Variants in CTNNA3 observed in about 807,000 individuals in gnomAD.
CTNNA3 encodes catenin alpha 3.
CTNNA3 carries 76 observed loss-of-function variants against 95.7 expected under a neutral mutation model. That is an observed-to-expected ratio of 0.79 (90% confidence interval 0.66 to 0.96). CTNNA3 has a LOEUF of 0.96. CTNNA3 is among the 40% of genes least tolerant of loss of function. The pLI is 0.00. For missense variants in CTNNA3, 1,191 were observed against 1,089.8 expected, an observed-to-expected ratio of 1.09 and a Z score of -1.31; for synonymous variants, 431 against 374.4, an observed-to-expected ratio of 1.15 and a Z score of -1.74.
rs1336352904 is a variant in CTNNA3, at chr10:67,726,402, T to TTA, written c.-2+37030_-2+37031dup. Among the ~76,000 whole-genome samples, 303 of 44,050 alleles carry TTA rather than the reference T, an allele frequency of 6.9e-3. 3 individuals carry two copies. Among genetic ancestry groups the TTA allele is most frequent in the Admixed American group, 9.7e-3 (25 of 2,586 alleles). The allele number at this position is 44,050 out of a possible 152,430, so 28.9% of individuals were successfully genotyped here. ...TATATGAAATTATATATATTATATA[T>TTA]TATATCATATATAATATTATATATT... On this transcript the variant is annotated intron_variant, in intron 1 of 17. Coordinates refer to the CTNNA3 transcript ENST00000684154.
intron 16 of CTNNA3, among the ~76,000 whole-genome samples, chr10:65,980,211 A>C (rs2078290183): frequency 6.6e-6 from 1 of 152,076 alleles, no homozygotes; most frequent in Non-Finnish European, 1.5e-5. Flanking sequence ...ACATACATAA[A>C]CTAGAAAACC....
intron 13 of CTNNA3, among the ~76,000 whole-genome samples, chr10:66,173,895 A>G (rs1267344648): frequency 6.6e-6 from 1 of 152,186 alleles, no homozygotes; most frequent in Admixed American, 6.5e-5. Flanking sequence ...CAAGAAGCAG[A>G]AACTGAGGTA....
intron 7 of CTNNA3, among the ~76,000 whole-genome samples, chr10:66,804,631 G>C (rs1189457430): frequency 1.3e-5 from 2 of 151,774 alleles, no homozygotes; most frequent in African/African-American, 4.8e-5. Flanking sequence ...TTTCTAAAGG[G>C]GTACTGACTA....
At position 67,447,981 on chromosome 10, in the gene CTNNA3, A is replaced by G. The variant is rs116260201; in HGVS notation, c.579+73861T>C. 4.4e-3 allele frequency among the ~76,000 whole-genome samples: 672 copies of G among 152,358 alleles called. 7 individuals carry two copies. Among genetic ancestry groups the G allele is most frequent in the African/African-American group, 0.015 (630 of 41,586 alleles). ...TAGAATGAGCCACTTAACTTTGCAG[A>G]AAGTGCAACTCTGTATAGCTAGAGC... On this transcript the variant is annotated intron_variant, in intron 5 of 17. Coordinates refer to ENST00000433211, the MANE Select transcript of CTNNA3 (RefSeq NM_013266.4).
chr10:66,510,528 G>A (rs760959094), intron 11 of CTNNA3, among the ~76,000 whole-genome samples: 4 of 150,384 alleles, frequency 2.7e-5, no homozygotes, highest in Non-Finnish European at 5.9e-5. Flanking sequence ...GTTAGCCATG[G>A]GTTTGTCATA....
intron 5 of CTNNA3, among the ~76,000 whole-genome samples, chr10:67,273,081 A>G (rs1248553351): frequency 1.3e-5 from 2 of 152,122 alleles, no homozygotes; most frequent in African/African-American, 4.8e-5. Context: ...TCAGAGTTCT[A>G]TCATTTATTA....
At chr10:66,135,540 G>A (rs1296084339) in intron 13 of CTNNA3, among the ~76,000 whole-genome samples, 2 of 152,004 alleles carry the variant, frequency 1.3e-5, no homozygotes, top group African/African-American at 4.8e-5. Flanking sequence ...CATATAGAAA[G>A]AATAAAATAA....
intron 13 of CTNNA3, among the ~76,000 whole-genome samples, chr10:66,207,667 T>G (rs1423771569): frequency 6.6e-6 from 1 of 152,072 alleles, no homozygotes; most frequent in Admixed American, 6.6e-5. Context: ...GTGAAGCTAA[T>G]TATGGCAGAA....
chr10:66,086,085 T>C (rs2080971644), intron 14 of CTNNA3, among the ~76,000 whole-genome samples: 3 of 152,104 alleles, frequency 2.0e-5, no homozygotes, highest in South Asian at 2.1e-4. Flanking sequence ...AATGTGAATT[T>C]GGAGGGGGAA....
Position 67,079,858 on chromosome 10 carries a change from A to AACACAC in CTNNA3, c.1047+100453_1047+100458dup, listed in dbSNP as rs199928311. ...GCGAGACTCCATCTCAAAAAAACAA[A>AACACAC]ACACACACACACACACACACACACA... is the stretch of plus-strand genomic sequence containing the variant. On this transcript the variant is annotated intron_variant, in intron 7 of 17. Coordinates refer to ENST00000433211, the MANE Select transcript of CTNNA3 (RefSeq NM_013266.4). 1.5e-3 allele frequency among the ~76,000 whole-genome samples: 213 copies of AACACAC among 141,354 alleles called. 1 individual carries two copies. Among genetic ancestry groups the AACACAC allele is most frequent in the Middle Eastern group, 3.5e-3 (1 of 284 alleles). The allele number at this position is 141,354 out of a possible 152,430, so 92.7% of individuals were successfully genotyped here.
chr10:66,892,260 C>T (rs958557533), intron 7 of CTNNA3, among the ~76,000 whole-genome samples: 8 of 151,944 alleles, frequency 5.3e-5, no homozygotes, highest in African/African-American at 1.4e-4. Context: ...TAATTACGGA[C>T]GATGTCAAAA....
Position 66,624,002 on chromosome 10 carries a change from C to T in CTNNA3, c.1282-2218G>A, listed in dbSNP as rs114696586. 6.6e-3 allele frequency among the ~76,000 whole-genome samples: 998 copies of T among 152,186 alleles called. 14 individuals carry two copies. Among genetic ancestry groups the T allele is most frequent in the African/African-American group, 0.023 (949 of 41,526 alleles). ...TTCCCTGCTGGTCAAAGAATACAGC[C>T]TGCAAATAAGATGTTCTGTAAAAAT... On this transcript the variant is annotated intron_variant, in intron 9 of 17. Coordinates refer to ENST00000433211, the MANE Select transcript of CTNNA3 (RefSeq NM_013266.4).
intron 7 of CTNNA3, among the ~76,000 whole-genome samples, chr10:66,976,923 G>A (rs538251871): frequency 6.6e-6 from 1 of 152,060 alleles, no homozygotes; most frequent in Admixed American, 6.6e-5. Flanking sequence ...CTTATCATTT[G>A]GTTACTGAAA....
chr10:66,134,672 T>C (rs1024179102), intron 13 of CTNNA3, among the ~76,000 whole-genome samples: 1 of 152,064 alleles, frequency 6.6e-6, no homozygotes, highest in South Asian at 2.1e-4. Flanking sequence ...AAGATGCAGG[T>C]GTGAATGGAT....
chr10:67,016,520 G>A (rs1270545139), intron 7 of CTNNA3, among the ~76,000 whole-genome samples: 8 of 152,180 alleles, frequency 5.3e-5, no homozygotes, highest in Non-Finnish European at 1.0e-4. Context: ...GTTGTTGGCA[G>A]AAAGTCCCTC....
intron 10 of CTNNA3, among the ~76,000 whole-genome samples, chr10:66,611,635 A>G (rs1389071123): frequency 6.6e-6 from 1 of 152,112 alleles, no homozygotes; most frequent in Non-Finnish European, 1.5e-5. Flanking sequence ...TTCTTTGGTT[A>G]AGATGACTGC....
chr10:67,259,138 T>C (rs1866480926), intron 5 of CTNNA3, among the ~76,000 whole-genome samples: 3 of 152,232 alleles, frequency 2.0e-5, no homozygotes, highest in African/African-American at 4.8e-5. Context: ...GAGGGACAAC[T>C]ATATTCTCCA....
intron 12 of CTNNA3, among the ~76,000 whole-genome samples, chr10:66,337,194 G>C (rs2092406795): frequency 1.3e-5 from 2 of 152,004 alleles, no homozygotes; most frequent in African/African-American, 4.8e-5. Flanking sequence ...TAAAAAATAT[G>C]TCAGTTTTAG....
chr10:67,081,869 T>G (rs1857076401), intron 7 of CTNNA3, among the ~76,000 whole-genome samples: 2 of 152,198 alleles, frequency 1.3e-5, no homozygotes, highest in Non-Finnish European at 2.9e-5. Context: ...GGAGCCAGTA[T>G]ATAGCCCTGT....
Sources: gnomAD v4.1 joint callset for allele counts (sites outside exome capture counted in the v4.1 genomes callset) on GRCh38, gnomAD v4.1.1 for gene constraint, MANE v1.5 for transcripts, NCBI Gene and HGNC (gene_info 2026-07-23, HGNC 2026-07-21) for gene names.